The following MAP3K14 variants were observed in gnomAD, a reference collection of about 807,000 sequenced individuals.
MAP3K14 encodes the protein mitogen-activated protein kinase kinase kinase 14.
In MAP3K14, 16 loss-of-function variants were observed where a neutral mutation model predicts 99.2. The ratio of observed to expected loss-of-function variants is 0.16; its 90% CI spans 0.11 to 0.24. The LOEUF is 0.24. MAP3K14 is among the 10% of genes least tolerant of loss of function. The pLI, the probability that MAP3K14 is intolerant of heterozygous loss-of-function variation, is 1.00. For missense variants in MAP3K14, 784 were observed against 1,208.7 expected, an observed-to-expected ratio of 0.65 and a Z score of 5.21; for synonymous variants, 462 against 492.4, an observed-to-expected ratio of 0.94 and a Z score of 0.82.
chr17:45,285,082 C>T, intron 5 of MAP3K14, 133 bp from the exon 6 acceptor site: 1 of 978,340 alleles, frequency 1.0e-6, no homozygotes, highest in Non-Finnish European at 1.5e-6. Context: ...ACCAGGCAGC[C>T]CTGGGGCGAA....
intron 1 of MAP3K14, among the ~76,000 whole-genome samples, chr17:45,315,997 C>A (rs1314118179): frequency 6.6e-6 from 1 of 152,236 alleles, no homozygotes; most frequent in Non-Finnish European, 1.5e-5. Flanking sequence ...TATTTTATAT[C>A]ATGACCTCAC....
intron 6 of MAP3K14, 43 bp from the exon 7 acceptor site, chr17:45,274,636 C>T (rs1330883641): frequency 1.2e-6 from 2 of 1,601,810 alleles, no homozygotes; most frequent in Non-Finnish European, 1.7e-6. Flanking sequence ...GGTGAGGGGA[C>T]CAGAGCTGGG....
chr17:45,276,827 T>TC (rs930597281), intron 6 of MAP3K14, among the ~76,000 whole-genome samples: 2 of 128,282 alleles, frequency 1.6e-5, no homozygotes, highest in African/African-American at 6.0e-5. Flanking sequence ...AGACTTCTTT[T>TC]TTTTTTTTTT....
At chr17:45,287,465 TC>T in intron 3 of MAP3K14, 101 bp from the exon 4 acceptor site, 1 of 991,886 alleles carries the variant, frequency 1.0e-6, no homozygotes, top group Non-Finnish European at 1.5e-6. Context: ...CAAGGTCAAA[TC>T]CCAGGTTGCC....
intron 3 of MAP3K14, among the ~76,000 whole-genome samples, chr17:45,287,761 A>G (rs1761275894): frequency 6.6e-6 from 1 of 152,098 alleles, no homozygotes; most frequent in African/African-American, 2.4e-5. Context: ...CTGCCCCTGG[A>G]GAGTTCCTAG....
rs2044155710 is a variant in MAP3K14 at position 45,273,524 on chromosome 17, G to C, written c.1636C>G (p.Leu546Val). 2 of 1,611,996 alleles carry C rather than the reference G, an allele frequency of 1.2e-6. No individual in the cohort carries two copies. Among genetic ancestry groups the C allele is most frequent in the East Asian group, 2.2e-5 (1 of 44,830 alleles). The change falls in exon 9 of 16, where the codon CTG becomes GTG. Residue 546 changes from leucine to valine, a missense_variant. Coordinates refer to ENST00000344686, the MANE Select transcript of MAP3K14 (RefSeq NM_003954.5). Reference protein sequence around the residue: ...GHAVCLQPDGLGKSLLTGDYI... With the variant: ...GHAVCLQPDGVGKSLLTGDYI... ...TTACCTGTGAGCAAGGACTTTCCCAGGCCATCAGGTTGAAGACACACAGCA... is the reference window on the plus strand; with the variant it reads ...TTACCTGTGAGCAAGGACTTTCCCACGCCATCAGGTTGAAGACACACAGCA...
At chr17:45,287,967 G>C (rs1272751732) in intron 3 of MAP3K14, among the ~76,000 whole-genome samples, 2 of 152,170 alleles carry the variant, frequency 1.3e-5, no homozygotes, top group Non-Finnish European at 2.9e-5. Context: ...CTGGCCTCGG[G>C]GCTCATCACT....
chr17:45,282,727 CA>C (rs1375892760), intron 6 of MAP3K14, among the ~76,000 whole-genome samples: 2 of 152,118 alleles, frequency 1.3e-5, no homozygotes, highest in Admixed American at 6.6e-5. Flanking sequence ...CAAGGAGCAT[CA>C]GGGGGGCACA....
At chr17:45,289,942 G>A (rs2044297475) in intron 2 of MAP3K14, among the ~76,000 whole-genome samples, 1 of 152,208 alleles carries the variant, frequency 6.6e-6, no homozygotes, top group African/African-American at 2.4e-5. Flanking sequence ...GTCTCCAAGG[G>A]AAGCCACCAT....
At chr17:45,298,106 A>G (rs2044359580) in intron 1 of MAP3K14, among the ~76,000 whole-genome samples, 1 of 152,242 alleles carries the variant, frequency 6.6e-6, no homozygotes, top group South Asian at 2.1e-4. Context: ...AAAAAGTAAC[A>G]TGATCCTTGC....
chr17:45,276,823 CTTTTTTTTTTTTTT>C (rs35012373), intron 6 of MAP3K14, among the ~76,000 whole-genome samples: 9 of 62,258 alleles, frequency 1.4e-4, no homozygotes, highest in African/African-American at 5.7e-4. Flanking sequence ...TCTTAGACTT[CTTTTTTTTTTTTTT>C]TTTTTTTTTG....
At chr17:45,303,862 G>T (rs555535816) in intron 1 of MAP3K14, among the ~76,000 whole-genome samples, 11 of 151,654 alleles carry the variant, frequency 7.3e-5, no homozygotes, top group African/African-American at 2.4e-4. Context: ...GATTACAGGC[G>T]TGAGCCACCG....
chr17:45,290,907 C>T, intron 1 of MAP3K14, 142 bp from the exon 2 acceptor site: 1 of 705,158 alleles, frequency 1.4e-6, no homozygotes, highest in Non-Finnish European at 2.4e-6. Flanking sequence ...ACTCATCCTC[C>T]AAACATCCTC....
At chr17:45,265,586 C>T (rs1000575573) in intron 14 of MAP3K14, among the ~76,000 whole-genome samples, 2 of 152,068 alleles carry the variant, frequency 1.3e-5, no homozygotes, top group African/African-American at 4.8e-5. Flanking sequence ...TACAGGCATG[C>T]GCCACTATAC....
At chr17:45,266,036 A>AG (rs2044078854) in intron 14 of MAP3K14, among the ~76,000 whole-genome samples, 1 of 152,260 alleles carries the variant, frequency 6.6e-6, no homozygotes. Flanking sequence ...GGAGAGGGCC[A>AG]GGGAACTCCA....
At chr17:45,303,857 C>T (rs1276532180) in intron 1 of MAP3K14, among the ~76,000 whole-genome samples, 1 of 151,642 alleles carries the variant, frequency 6.6e-6, no homozygotes, top group Non-Finnish European at 1.5e-5. Context: ...GCTGGGATTA[C>T]AGGCGTGAGC....
chr17:45,279,461 C>G (rs1341722933), intron 6 of MAP3K14, among the ~76,000 whole-genome samples: 1 of 138,308 alleles, frequency 7.2e-6, no homozygotes, highest in Non-Finnish European at 1.5e-5. Context: ...GAGACGGAGT[C>G]TCATTCTGTC....
intron 6 of MAP3K14, among the ~76,000 whole-genome samples, chr17:45,279,120 CT>C (rs1299959510): frequency 6.6e-6 from 1 of 152,208 alleles, no homozygotes; most frequent in Admixed American, 6.5e-5. Flanking sequence ...GAACTTCCCT[CT>C]TGTTTTCTTT....
At position 45,272,060 on chromosome 17, in the gene MAP3K14, G is replaced by A. The variant is rs974778366; in HGVS notation, c.1658-839C>T. On this transcript the variant is annotated intron_variant, in intron 9 of 15. Transcript: ENST00000344686. This position sits in a 1 kb window ranked among gnomAD's most constrained non-coding sequence, Gnocchi z 4.1. The stretch of plus-strand genomic sequence containing the variant: ...AAAAAAGGGTCAGGCAGTGGCTCAT[G>A]CCTGTAATCCCAGCACTTTGGGAGA... 6.6e-6 allele frequency among the ~76,000 whole-genome samples: 1 copy of A among 152,170 alleles called. No homozygotes were observed. Among genetic ancestry groups the A allele is most frequent in the Non-Finnish European group, 1.5e-5 (1 of 68,030 alleles).
Sources: gnomAD v4.1 joint callset for allele counts (sites outside exome capture counted in the v4.1 genomes callset) on GRCh38, gnomAD v4.1.1 for gene constraint, Gnocchi (gnomAD v3.1) non-coding constraint, MANE v1.5 for transcripts, NCBI Gene and HGNC (gene_info 2026-07-23, HGNC 2026-07-21) for gene names.